TSPAN14: variants seen among roughly 807,000 people sequenced by gnomAD.
The protein encoded by TSPAN14 is tetraspanin 14.
TSPAN14 carries 16 observed loss-of-function variants against 36.6 expected under a neutral mutation model. That is an observed-to-expected ratio of 0.44 (90% confidence interval 0.30 to 0.66). The LOEUF is 0.66. Ranked by LOEUF, TSPAN14 falls within the 30% of genes least tolerant of loss-of-function variation. The pLI is 0.12. For missense variants in TSPAN14, 231 were observed against 355.1 expected, an observed-to-expected ratio of 0.65 and a Z score of 2.81; for synonymous variants, 139 against 143.8, an observed-to-expected ratio of 0.97 and a Z score of 0.24.
At chr10:80,516,078 T>A in intron 7 of TSPAN14, 126 bp from the exon 8 acceptor site, 1 of 1,461,702 alleles carries the variant, frequency 6.8e-7, no homozygotes, top group Admixed American at 1.8e-5. Flanking sequence ...AGAGTCCTCC[T>A]TGCCTGCCTC....
chr10:80,487,743 AG>A (rs1229240522), intron 1 of TSPAN14, among the ~76,000 whole-genome samples: 1 of 100,046 alleles, frequency 1.0e-5, no homozygotes, highest in African/African-American at 3.9e-5. Flanking sequence ...GGGCGGTGGT[AG>A]GGGGGAGGTG....
chr10:80,511,376 G>T (rs2132056236), intron 5 of TSPAN14, among the ~76,000 whole-genome samples: 1 of 152,306 alleles, frequency 6.6e-6, no homozygotes, highest in African/African-American at 2.4e-5. Flanking sequence ...TCACTTGCAA[G>T]TTTCTCAGGG....
intron 1 of TSPAN14, among the ~76,000 whole-genome samples, chr10:80,486,467 G>A (rs1847606425): frequency 6.6e-6 from 1 of 152,242 alleles, no homozygotes; most frequent in Admixed American, 6.5e-5. Flanking sequence ...TTGCTAATGA[G>A]CTGGTTTCTT....
intron 2 of TSPAN14, among the ~76,000 whole-genome samples, chr10:80,493,245 A>G (rs903603501): frequency 1.3e-5 from 2 of 152,234 alleles, no homozygotes; most frequent in African/African-American, 2.4e-5. Flanking sequence ...ATTTTAAAAA[A>G]TGGAAAATAA....
chr10:80,493,561 A>G (rs1355857816), intron 2 of TSPAN14, among the ~76,000 whole-genome samples: 3 of 152,268 alleles, frequency 2.0e-5, no homozygotes, highest in Admixed American at 6.5e-5. Flanking sequence ...CAGATGTGAA[A>G]GAGCTTAAAA....
At chr10:80,464,251 G>A (rs2131958505) in intron 1 of TSPAN14, among the ~76,000 whole-genome samples, 1 of 152,330 alleles carries the variant, frequency 6.6e-6, no homozygotes, top group Non-Finnish European at 1.5e-5. Flanking sequence ...TCGCTGCTCT[G>A]CACACCTCCC....
chr10:80,507,653 C>T (rs1165837106), intron 4 of TSPAN14, among the ~76,000 whole-genome samples: 1 of 152,236 alleles, frequency 6.6e-6, no homozygotes, highest in Non-Finnish European at 1.5e-5. Context: ...TTTTATCTTC[C>T]TTCAGAAATT....
chr10:80,507,418 T>C, intron 4 of TSPAN14, 44 bp downstream of exon 4: 1 of 1,613,294 alleles, frequency 6.2e-7, no homozygotes, highest in Non-Finnish European at 8.5e-7. Flanking sequence ...TGCAATGGGG[T>C]ACAGGCTCTG....
intron 1 of TSPAN14, among the ~76,000 whole-genome samples, chr10:80,471,430 A>C (rs1343554102): frequency 1.3e-5 from 2 of 152,038 alleles, no homozygotes; most frequent in African/African-American, 2.4e-5. Context: ...TCTTGTTCAC[A>C]TTGGGAATAC....
intron 7 of TSPAN14, chr10:80,515,906 C>A: frequency 2.8e-6 from 1 of 359,124 alleles, no homozygotes; most frequent in Non-Finnish European, 5.1e-6. Context: ...TTCTCTTTCT[C>A]CAGATGTGGA....
chr10:80,474,914 A>G (rs755736983), intron 1 of TSPAN14, among the ~76,000 whole-genome samples: 17 of 152,126 alleles, frequency 1.1e-4, no homozygotes, highest in Non-Finnish European at 1.3e-4. Context: ...CCAAATTTTC[A>G]TCTTATTCAG....
intron 2 of TSPAN14, among the ~76,000 whole-genome samples, chr10:80,500,406 C>T (rs1044720407): frequency 4.8e-5 from 7 of 145,242 alleles, no homozygotes; most frequent in East Asian, 2.0e-4. Flanking sequence ...CTTGGCTCAC[C>T]GCAACCTCCA....
At chr10:80,492,040 G>T (rs1000055194) in intron 2 of TSPAN14, among the ~76,000 whole-genome samples, 3 of 152,154 alleles carry the variant, frequency 2.0e-5, no homozygotes, top group African/African-American at 7.2e-5. Context: ...GGCTGGCTCT[G>T]GGCACCCAGG....
intron 7 of TSPAN14, among the ~76,000 whole-genome samples, chr10:80,514,863 T>G (rs928716159): frequency 1.3e-5 from 2 of 152,126 alleles, no homozygotes; most frequent in African/African-American, 2.4e-5. Flanking sequence ...AGAGTCCTTA[T>G]GAGTGGGATG....
intron 1 of TSPAN14, among the ~76,000 whole-genome samples, chr10:80,472,637 C>T (rs143811679): frequency 6.6e-6 from 1 of 152,260 alleles, no homozygotes; most frequent in Non-Finnish European, 1.5e-5. Context: ...TCCATAATTC[C>T]TTCTACATTT....
intron 2 of TSPAN14, among the ~76,000 whole-genome samples, chr10:80,500,723 CAG>C (rs1357789149): frequency 6.6e-6 from 1 of 152,196 alleles, no homozygotes; most frequent in African/African-American, 2.4e-5. Flanking sequence ...CCAGTAAACA[CAG>C]AGTCAGCCAG....
intron 8 of TSPAN14, among the ~76,000 whole-genome samples, chr10:80,517,245 AG>A: frequency 6.6e-6 from 1 of 152,376 alleles, no homozygotes; most frequent in South Asian, 2.1e-4. Context: ...GGAAAAGGAA[AG>A]AAAAAAGTTA....
intron 1 of TSPAN14, among the ~76,000 whole-genome samples, chr10:80,460,796 C>CT (rs1472593060): frequency 6.6e-6 from 1 of 152,162 alleles, no homozygotes; most frequent in African/African-American, 2.4e-5. Flanking sequence ...AATTTTGCTG[C>CT]TTTTTTCTGC....
intron 5 of TSPAN14, among the ~76,000 whole-genome samples, chr10:80,511,722 CT>C (rs1840644148): frequency 1.9e-5 from 1 of 52,378 alleles, no homozygotes. Context: ...CTCTCTCTCT[CT>C]CTCTCTCTCT....
Sources: allele counts gnomAD v4.1 joint callset (sites outside exome capture counted in the v4.1 genomes callset), GRCh38; gene constraint gnomAD v4.1.1; transcripts MANE v1.5; gene names NCBI Gene and HGNC (gene_info 2026-07-23, HGNC 2026-07-21).